Variants in STAT5B observed in about 807,000 individuals in gnomAD.
STAT5B encodes signal transducer and activator of transcription 5B.
In STAT5B, 21 loss-of-function variants were observed where a neutral mutation model predicts 107.8. That is an observed-to-expected ratio of 0.19 (90% CI 0.14 to 0.28). The LOEUF is 0.28. Ranked by LOEUF, STAT5B falls within the 10% of genes least tolerant of loss-of-function variation. STAT5B has a pLI of 1.00. For missense variants in STAT5B, 565 were observed against 1,008.2 expected, an observed-to-expected ratio of 0.56 and a Z score of 5.95; for synonymous variants, 325 against 401.7, an observed-to-expected ratio of 0.81 and a Z score of 2.28.
chr17:42,282,634 C>T, the STAT5B span, among the ~76,000 whole-genome samples: 9 of 152,306 alleles, frequency 5.9e-5, no homozygotes, highest in Admixed American at 4.6e-4. Context: ...GCCACCGCAC[C>T]GGGCCTGTGA....
chr17:42,240,834 A>G (rs1176245865), intron 1 of STAT5B, among the ~76,000 whole-genome samples: 1 of 152,164 alleles, frequency 6.6e-6, no homozygotes, highest in Non-Finnish European at 1.5e-5. Context: ...TATATTTCAT[A>G]ATTTAAAGAG....
chr17:42,261,709 C>T (rs1179418876), intron 1 of STAT5B, among the ~76,000 whole-genome samples: 3 of 152,068 alleles, frequency 2.0e-5, no homozygotes, highest in Non-Finnish European at 4.4e-5. Context: ...TACAGGCACA[C>T]ACCACCACGT....
chr17:42,261,965 G>T (rs560729654), intron 1 of STAT5B, among the ~76,000 whole-genome samples: 1 of 152,206 alleles, frequency 6.6e-6, no homozygotes, highest in Non-Finnish European at 1.5e-5. Context: ...CTCCCAAAGT[G>T]CTAGGATTAC....
At chr17:42,223,254 C>G in intron 5 of STAT5B, 128 bp downstream of exon 5, 1 of 1,379,704 alleles carries the variant, frequency 7.2e-7, no homozygotes, top group South Asian at 1.2e-5. Context: ...GCAAATAAGT[C>G]CCTGCTACTC....
At position 42,218,315 on chromosome 17, in the gene STAT5B, C is replaced by G; in HGVS notation, c.1005G>C (p.Glu335Asp). The G allele has an allele frequency of 6.2e-7, 1 of 1,613,688 alleles. No homozygotes were observed. Among genetic ancestry groups the G allele is most frequent in the Non-Finnish European group, 8.5e-7 (1 of 1,179,842 alleles). Residue 335 changes from glutamate to aspartate, a missense_variant, in exon 9 of 19, where the codon GAG becomes GAC. Coordinates refer to ENST00000293328, the MANE Select transcript of STAT5B (RefSeq NM_012448.4). ...TCTTCAGGACCTGAGGAGGCTGCTT[C>G]TCAATGATGAACGTGCTGCAGGGGA... is the stretch of plus-strand genomic sequence containing the variant. ...SALVTSTFII[E>D]KQPPQVLKTQ...
intron 16 of STAT5B, 74 bp downstream of exon 16, chr17:42,207,484 T>C: frequency 7.0e-7 from 1 of 1,424,674 alleles, no homozygotes; most frequent in Non-Finnish European, 9.6e-7. Flanking sequence ...CACACGCAGG[T>C]ATGCACACAC....
intron 13 of STAT5B, among the ~76,000 whole-genome samples, chr17:42,211,572 G>A (rs1386434596): frequency 1.3e-5 from 2 of 152,110 alleles, no homozygotes; most frequent in Non-Finnish European, 2.9e-5. Flanking sequence ...TAGAGGAGGA[G>A]TTTCTTTCAT....
At chr17:42,274,281 C>CAAA (rs534342062) in intron 1 of STAT5B, among the ~76,000 whole-genome samples, 5 of 62,516 alleles carry the variant, frequency 8.0e-5, no homozygotes, top group Admixed American at 6.4e-4. Flanking sequence ...GTTTGCTTTA[C>CAAA]AAAAAAAAAA....
intron 1 of STAT5B, chr17:42,269,384 A>T (rs2080703019): frequency 6.6e-6 from 1 of 152,142 alleles, no homozygotes; most frequent in Non-Finnish European, 1.5e-5. Context: ...TAGGCTCTGA[A>T]TTTTAGACAA....
chr17:42,247,785 A>C (rs550407845), intron 1 of STAT5B, among the ~76,000 whole-genome samples: 6 of 152,192 alleles, frequency 3.9e-5, no homozygotes, highest in African/African-American at 1.4e-4. Flanking sequence ...CTGTCTTTAC[A>C]AAGAAAGCAA....
chr17:42,227,503 A>C, intron 3 of STAT5B, 26 bp downstream of exon 3: 1 of 1,612,656 alleles, frequency 6.2e-7, no homozygotes, highest in Non-Finnish European at 8.5e-7. Context: ...AAGGTAATTA[A>C]GTGTGACCCC....
chr17:42,234,508 T>C (rs2080342066), intron 1 of STAT5B: 1 of 152,226 alleles, frequency 6.6e-6, no homozygotes. Context: ...AAATAAATCA[T>C]ATCGCAAGAT....
chr17:42,214,907 T>C (rs1054930800), intron 12 of STAT5B, among the ~76,000 whole-genome samples: 4 of 152,064 alleles, frequency 2.6e-5, no homozygotes, highest in African/African-American at 9.7e-5. Context: ...TGGTGTACCA[T>C]GCCTGGCTAA....
At chr17:42,227,775 T>C (rs978029545) in intron 2 of STAT5B, 90 bp from the exon 3 acceptor site, 7 of 1,376,472 alleles carry the variant, frequency 5.1e-6, no homozygotes, top group Non-Finnish European at 7.0e-6. Context: ...TTTCTTCAAC[T>C]AAAGTGATGT....
chr17:42,287,834 A>G, the STAT5B span: 1 of 152,244 alleles, frequency 6.6e-6, no homozygotes, highest in African/African-American at 2.4e-5. Context: ...GACTGCCAAG[A>G]TTCTTTCCAG....
At chr17:42,216,204 C>T in intron 11 of STAT5B, 98 bp from the exon 12 acceptor site, 1 of 1,110,838 alleles carries the variant, frequency 9.0e-7, no homozygotes, top group Non-Finnish European at 1.3e-6. Context: ...TTTTATTTTC[C>T]AAGTTTCAGT....
chr17:42,227,672 G>T lies in STAT5B; in HGVS notation c.142C>A (p.Leu48Ile). ...IESQAWDSVD[L>I]DNPQENIKAT... is the part of the protein sequence containing the mutation. ...TTAATGTTCTCCTGTGGATTATCAA[G>T]ATCTACTGAGTCCCTAGGGGAAAAA... The change falls in exon 3 of 19, where the codon CTT (leucine) becomes ATT (isoleucine). Residue 48 changes from leucine (L) to isoleucine (I), a missense_variant. By Grantham distance (5) the Leu-to-Ile change is conservative (BLOSUM62 2). Around this residue, in one of 11 missense-constraint regions of STAT5B, gnomAD observed 83 missense variants for 145.1 expected, o/e 0.57. Coordinates refer to ENST00000293328, the MANE Select transcript of STAT5B (RefSeq NM_012448.4). 6.2e-7 allele frequency: 1 copy of T among 1,614,028 alleles called. No homozygotes were observed. The highest frequency in any genetic ancestry group is 8.5e-7 in the Non-Finnish European group (1 of 1,179,996).
At chr17:42,227,483 C>T (rs368574229) in intron 3 of STAT5B, 46 bp downstream of exon 3, 1 of 1,611,648 alleles carries the variant, frequency 6.2e-7, no homozygotes, top group African/African-American at 1.3e-5. Flanking sequence ...AGGAAGAAGA[C>T]CCCCAAGGGA....
At chr17:42,222,775 G>A (rs779784841) in intron 5 of STAT5B, among the ~76,000 whole-genome samples, 2 of 148,148 alleles carry the variant, frequency 1.3e-5, no homozygotes, top group African/African-American at 2.5e-5. Flanking sequence ...TCCGCCTCCC[G>A]GGTTCAAGAG....
Sources: allele counts gnomAD v4.1 joint callset (sites outside exome capture counted in the v4.1 genomes callset), GRCh38; gene constraint gnomAD v4.1.1; regional missense constraint gnomAD v4.1.1; transcripts MANE v1.5; gene names NCBI Gene and HGNC (gene_info 2026-07-23, HGNC 2026-07-21).